The following SALL1 variants were observed in gnomAD, a reference collection of about 807,000 sequenced individuals.
SALL1 encodes spalt like transcription factor 1.
A neutral mutation model predicts 73.1 loss-of-function variants in SALL1; 10 were observed. The ratio of observed to expected loss-of-function variants is 0.14; its 90% CI spans 0.08 to 0.23. The LOEUF (loss-of-function observed/expected upper bound fraction) is 0.23. SALL1 is among the 10% of genes least tolerant of loss of function. The pLI, the probability that SALL1 is intolerant of heterozygous loss-of-function variation, is 1.00. For synonymous variants in SALL1, 688 were observed against 689.8 expected (o/e 1.00, Z 0.04); for missense variants, 1,520 against 1,697.3 (o/e 0.90, Z 1.84).
Position 51,139,818 on chromosome 16 carries a change from A to G in SALL1, c.2404T>C (p.Tyr802His), listed in dbSNP as rs1212419852. ...QIPNTPVPDSYSESMESDTGS... is the reference protein window; with the variant it reads ...QIPNTPVPDSHSESMESDTGS... ...GTGTCAGACTCCATGGACTCAGAGT[A>G]GCTGTCGGGGACTGGGGTGTTGGGG... The change falls in exon 2 of 3, where the codon TAC becomes CAC. Residue 802 changes from tyrosine (Y) to histidine (H), a missense_variant. Coordinates refer to ENST00000251020, the MANE Select transcript of SALL1 (RefSeq NM_002968.3). 6.2e-7 allele frequency: 1 copy of G among 1,614,204 alleles called. No individual in the cohort carries two copies. The highest frequency in any genetic ancestry group is 8.5e-7 in the Non-Finnish European group (1 of 1,180,044).
chr16:51,148,140 G>T (rs760980657), intron 1 of SALL1, among the ~76,000 whole-genome samples: 1 of 152,074 alleles, frequency 6.6e-6, no homozygotes, highest in Non-Finnish European at 1.5e-5. Flanking sequence ...TTTTGTTTTT[G>T]TTTTTGTATT....
intron 1 of SALL1, 49 bp downstream of exon 1, chr16:51,151,117 G>T: frequency 6.9e-7 from 1 of 1,440,582 alleles, no homozygotes; most frequent in Non-Finnish European, 9.4e-7. Context: ...GAGTGTGCGT[G>T]AGTGTGAGTG....
upstream of SALL1, chr16:51,152,195 T>TTG (rs1330895187): frequency 2.0e-5 from 3 of 151,934 alleles, no homozygotes; most frequent in African/African-American, 2.4e-5. Flanking sequence ...CCTGATGGGT[T>TTG]TGTGGCTGGG....
chr16:51,152,050 C>T (rs1962629418), upstream of SALL1: 1 of 151,376 alleles, frequency 6.6e-6, no homozygotes, highest in Non-Finnish European at 1.5e-5. Flanking sequence ...GAGCCAGCCC[C>T]ACGCCGGTCC....
intron 1 of SALL1, among the ~76,000 whole-genome samples, chr16:51,144,992 A>G (rs1962493843): frequency 6.6e-6 from 1 of 152,048 alleles, no homozygotes; most frequent in Non-Finnish European, 1.5e-5. Flanking sequence ...AAATACTGGT[A>G]TCTATTTTGA....
rs1263354130 is a variant in SALL1, at chr16:51,136,707, C to T, written c.*405G>A. ...TGTATATACAGACTTTATTAGAGAT[C>T]TAATGCATCACTGAGGCATTGCATC... On this transcript the variant is annotated 3_prime_UTR_variant, in exon 3 of 3. Transcript: ENST00000251020. The T allele has an allele frequency of 3.7e-6, 1 of 273,316 alleles. No individual in the cohort carries two copies. Among genetic ancestry groups the T allele is most frequent in the Admixed American group, 5.0e-5 (1 of 20,142 alleles). The allele number at this position is 273,316 out of a possible 1,614,324, so 16.9% of individuals were successfully genotyped here. A position where few individuals can be genotyped will look rare whatever the true frequency, so the allele number is the denominator to read the frequency against.
Position 51,140,035 on chromosome 16 carries a change from A to G in SALL1, c.2187T>C (p.Thr729=). 2 of 1,614,190 alleles carry G rather than the reference A, an allele frequency of 1.2e-6. No homozygotes were observed. The highest frequency in any genetic ancestry group is 1.7e-6 in the Non-Finnish European group (2 of 1,180,030). The part of the protein sequence containing the change: ...SALKMHYRTH[T]GERPFKCKIC... ...TCTTACACTTAAAGGGCCTCTCCCCAGTGTGTGTCCTGTAGTGCATTTTCA... is the reference window on the plus strand; with the variant it reads ...TCTTACACTTAAAGGGCCTCTCCCCGGTGTGTGTCCTGTAGTGCATTTTCA... The change falls in exon 2 of 3, where the codon ACT becomes ACC. Residue 729 remains threonine (T), a synonymous_variant. Coordinates refer to ENST00000251020, the MANE Select transcript of SALL1 (RefSeq NM_002968.3). This position sits in a 1 kb window ranked among gnomAD's most constrained non-coding sequence, Gnocchi z 5.7.
intron 1 of SALL1, chr16:51,150,732 G>A (rs941578885): frequency 5.0e-6 from 2 of 397,672 alleles, no homozygotes; most frequent in Non-Finnish European, 6.9e-6. Flanking sequence ...GCCGGGCGGC[G>A]GAGGCCGGGC....
intron 1 of SALL1, among the ~76,000 whole-genome samples, chr16:51,144,414 A>C (rs1962486604): frequency 2.0e-5 from 3 of 152,180 alleles, no homozygotes; most frequent in African/African-American, 7.2e-5. Context: ...CAACCAGCTC[A>C]CATTTATCAA....
At chr16:51,143,061 G>A (rs1377336420) in intron 1 of SALL1, 1 of 156,116 alleles carries the variant, frequency 6.4e-6, no homozygotes, top group African/African-American at 2.4e-5. Context: ...AGAAGGATGT[G>A]CAGTTGAGAA....
chr16:51,146,429 G>A (rs973913705), intron 1 of SALL1, among the ~76,000 whole-genome samples: 2 of 152,220 alleles, frequency 1.3e-5, no homozygotes, highest in African/African-American at 2.4e-5. Flanking sequence ...TTGCAGTGAC[G>A]CGTAAAAAAG....
At chr16:51,147,534 AT>A (rs1235736813) in intron 1 of SALL1, among the ~76,000 whole-genome samples, 2 of 152,182 alleles carry the variant, frequency 1.3e-5, no homozygotes, top group Non-Finnish European at 2.9e-5. Context: ...GCTGCTCAAA[AT>A]GAGCAAATTA....
At chr16:51,151,753 C>CA (rs1026861862), upstream of SALL1, among the ~76,000 whole-genome samples, 2 of 151,648 alleles carry the variant, frequency 1.3e-5, no homozygotes, top group African/African-American at 4.8e-5. Flanking sequence ...CGCCCCCCCC[C>CA]ACAATCCCGG....
chr16:51,141,642 T>C lies in SALL1; in HGVS notation c.580A>G (p.Asn194Asp). ...CTCTGGAGGTTCTCGATGATGACGT[T>C]GCTGTTGATTACGGAGAAGTTGCCC... is the stretch of plus-strand genomic sequence containing the variant. ...TLGNFSVINS[N>D]VIIENLQSTK... Residue 194 changes from asparagine (N) to aspartate (D), a missense_variant, in exon 2 of 3, where the codon AAC becomes GAC. By Grantham distance (23) the Asn-to-Asp change is conservative. Transcript: ENST00000251020. The surrounding 1 kb of genome is among the most constrained non-coding windows in gnomAD (Gnocchi z 5.4). The C allele has an allele frequency of 1.2e-6, 2 of 1,613,736 alleles. No homozygotes were observed. The highest frequency in any genetic ancestry group is 1.3e-5 in the African/African-American group (1 of 74,978).
In SALL1 at chr16:51,139,406, T is replaced by C. The variant is rs1386078971; in HGVS notation, c.2816A>G (p.His939Arg). 9 of 1,614,048 alleles carry C rather than the reference T, an allele frequency of 5.6e-6. No individual in the cohort carries two copies. In the East Asian group the frequency reaches 8.9e-5, roughly 16 times the overall value. ...LSPSNSTQEF[H>R]KSPSIEEKPQ... ...TTTCTCCTCAATGCTGGGTGACTTG[T>C]GGAACTCCTGCGTGCTGTTGGACGG... Residue 939 changes from histidine to arginine, a missense_variant, in exon 2 of 3, where the codon CAC (histidine) becomes CGC (arginine). By Grantham distance (29) the His-to-Arg change is conservative. Coordinates refer to ENST00000251020, the MANE Select transcript of SALL1 (RefSeq NM_002968.3).
rs74499562 is a variant in SALL1 at position 51,137,215 on chromosome 16, T to C, written c.3872A>G (p.Asn1291Ser). The C allele has an allele frequency of 0.013, 20,603 of 1,614,114 alleles. 164 individuals carry two copies. Among genetic ancestry groups the C allele is most frequent in the Middle Eastern group, 0.016 (95 of 6,062 alleles). ...NLERLQNSEPNAPLAGLEKMA... is the reference protein window; with the variant it reads ...NLERLQNSEPSAPLAGLEKMA... ...TTTCTCCAGGCCGGCCAGGGGAGCA[T>C]TGGGCTCTGAGTTCTGGAGCCTCTC... Residue 1291 changes from asparagine to serine, a missense_variant, in exon 3 of 3, where the codon AAT becomes AGT. By Grantham distance (46) the Asn-to-Ser change is conservative. Transcript: ENST00000251020.
chr16:51,137,051 G>T lies in SALL1; in HGVS notation c.*61C>A. 1 of 1,522,342 alleles carries T rather than the reference G, an allele frequency of 6.6e-7. No individual in the cohort carries two copies. Among genetic ancestry groups the T allele is most frequent in the Non-Finnish European group, 9.1e-7 (1 of 1,102,324 alleles). 94.3% of individuals were successfully genotyped at this position (1,522,342 alleles called of 1,614,324 possible). On this transcript the variant is annotated 3_prime_UTR_variant, in exon 3 of 3. Coordinates refer to ENST00000251020, the MANE Select transcript of SALL1 (RefSeq NM_002968.3). ...GGGCGGGGTGGGGGGCAAGGAGTAG[G>T]AGGCCACCATAGGTCGCATTCTGAA...
Position 51,140,966 on chromosome 16 carries a change from AAGG to A in SALL1, c.1253_1255del (p.Ser418del), listed in dbSNP as rs765457916. On this transcript the variant is annotated inframe_deletion, in exon 2 of 3. Transcript: ENST00000251020. The surrounding 1 kb of genome is among the most constrained non-coding windows in gnomAD (Gnocchi z 5.7). Reference sequence around the variant, plus strand: ...TTTTCTTTGCTGGGCCAAGGCAGACAAGGAGTTTAAATCCTCTGCAGTTGTTCC... The same window carrying A: ...TTTTCTTTGCTGGGCCAAGGCAGACAAGTTTAAATCCTCTGCAGTTGTTCC... The A allele has an allele frequency of 9.3e-6, 15 of 1,614,228 alleles. No homozygotes were observed. The African/African-American group carries it at 2.0e-4, about 22-fold the overall frequency.
At chr16:51,137,655 A>T in intron 2 of SALL1, 103 bp from the exon 3 acceptor site, 1 of 866,612 alleles carries the variant, frequency 1.2e-6, no homozygotes, top group Non-Finnish European at 1.8e-6. Flanking sequence ...CTCATATCCC[A>T]AATGTCCACA....
Sources: allele counts gnomAD v4.1 joint callset (sites outside exome capture counted in the v4.1 genomes callset), GRCh38; gene constraint gnomAD v4.1.1; non-coding constraint Gnocchi (gnomAD v3.1); transcripts MANE v1.5; gene names NCBI Gene and HGNC (gene_info 2026-07-23, HGNC 2026-07-21).